Variants in ZNF516 observed in about 807,000 individuals in gnomAD.
ZNF516 encodes the protein zinc finger protein 516.
A neutral mutation model predicts 79.7 loss-of-function variants in ZNF516; 19 were observed. The observed-to-expected ratio is 0.24, with a 90% CI of 0.17 to 0.35. The LOEUF (loss-of-function observed/expected upper bound fraction) is 0.35. ZNF516 is among the 10% of genes least tolerant of loss of function. ZNF516 has a pLI of 1.00. For synonymous variants in ZNF516, 877 were observed against 739.5 expected, an observed-to-expected ratio of 1.19 and a Z score of -3.02; for missense variants, 1,678 against 1,679.5, an observed-to-expected ratio of 1.00 and a Z score of 0.02.
intron 3 of ZNF516, among the ~76,000 whole-genome samples, chr18:76,396,139 T>TC (rs1165346584): frequency 6.6e-6 from 1 of 152,214 alleles, no homozygotes; most frequent in African/African-American, 2.4e-5. Context: ...TCACTGGTTC[T>TC]CCCATCCCCA....
rs751196927 is a variant in ZNF516 at position 76,379,225 on chromosome 18, G to A, written c.2889C>T (p.Ala963=). The part of the protein sequence containing the change: ...FGVPPAGAGF[A]PTNKHSAPDS... Reference sequence around the variant, plus strand: ...CCGGGGCACTGTGCTTATTTGTGGGGGCAAAGCCAGCCCCCGCTGGGGGGA... The same window carrying A: ...CCGGGGCACTGTGCTTATTTGTGGGAGCAAAGCCAGCCCCCGCTGGGGGGA... The change falls in exon 4 of 7, where the codon GCC becomes GCT. Residue 963 remains alanine, a synonymous_variant. Transcript: ENST00000443185. 3.1e-6 allele frequency: 5 copies of A among 1,612,808 alleles called. No individual in the cohort carries two copies. The highest frequency in any genetic ancestry group is 3.4e-6 in the Non-Finnish European group (4 of 1,179,736).
At chr18:76,450,718 G>A (rs1912356511) in intron 2 of ZNF516, among the ~76,000 whole-genome samples, 1 of 152,142 alleles carries the variant, frequency 6.6e-6, no homozygotes, top group Non-Finnish European at 1.5e-5. Flanking sequence ...CGCGGTGCAG[G>A]TTTCCTCTTC....
chr18:76,458,008 T>C (rs981233351), intron 2 of ZNF516, among the ~76,000 whole-genome samples: 2 of 152,228 alleles, frequency 1.3e-5, no homozygotes, highest in Non-Finnish European at 2.9e-5. Flanking sequence ...TGCAATGATA[T>C]CCACCTCGGC....
intron 3 of ZNF516, among the ~76,000 whole-genome samples, chr18:76,385,185 C>G (rs935530073): frequency 1.4e-4 from 22 of 152,218 alleles, no homozygotes; most frequent in African/African-American, 5.3e-4. Context: ...ACCAGGGGCT[C>G]CCGGGTTCCT....
At chr18:76,456,569 T>C (rs868175229) in intron 2 of ZNF516, among the ~76,000 whole-genome samples, 23 of 152,198 alleles carry the variant, frequency 1.5e-4, no homozygotes, top group Non-Finnish European at 2.2e-4. Context: ...TTTGTAACTT[T>C]AGCCTGCCAT....
In ZNF516 at chr18:76,380,274, C is replaced by T. The variant is rs763704876; in HGVS notation, c.1840G>A (p.Glu614Lys). The T allele has an allele frequency of 4.2e-5, 67 of 1,613,510 alleles. No individual in the cohort carries two copies. The highest frequency in any genetic ancestry group is 4.9e-5 in the Non-Finnish European group (58 of 1,179,712). ...GAGAGCTCGGTCGAAGTCACCTCTT[C>T]GGAAAAGCAGCAGCGGCGCGGCTGT... ...GGQPRRCCFS[E>K]EVTSTELSSG... The change falls in exon 4 of 7, where the codon GAA (glutamate) becomes AAA (lysine). Residue 614 changes from glutamate to lysine, a missense_variant. Physicochemically the swap from Glu to Lys is moderately conservative, Grantham distance 56. Transcript: ENST00000443185.
Position 76,379,601 on chromosome 18 carries a change from G to C in ZNF516, c.2513C>G (p.Thr838Ser). ...QPLLLARFTR[T>S]QVPGGMPGSK... ...CCCCGGCATCCCCCCTGGCACCTGA[G>C]TGCGGGTGAACCGAGCAAGGAGCAA... Residue 838 changes from threonine to serine, a missense_variant, in exon 4 of 7, where the codon ACT (threonine) becomes AGT (serine). By Grantham distance (58) the Thr-to-Ser change is moderately conservative. Transcript: ENST00000443185. The C allele has an allele frequency of 6.2e-7, 1 of 1,613,672 alleles. No homozygotes were observed. The highest frequency in any genetic ancestry group is 8.5e-7 in the Non-Finnish European group (1 of 1,179,896).
chr18:76,360,642 A>ATATATATATATATAT lies in ZNF516; in HGVS notation c.*1855_*1856insATATATATATATATA, dbSNP rs1269370085. On this transcript the variant is annotated 3_prime_UTR_variant, in exon 7 of 7. Transcript: ENST00000443185. Reference sequence around the variant, plus strand: ...TCAGAAAAAAATAAGTAAAAAAAAAAAAAAATATATATATATATATATATA... The same window carrying ATATATATATATATAT: ...TCAGAAAAAAATAAGTAAAAAAAAAATATATATATATATATAAAAATATATATATATATATATATA... The ATATATATATATATAT allele has an allele frequency of 3.7e-5, 4 of 107,032 alleles. No homozygotes were observed. Among genetic ancestry groups the ATATATATATATATAT allele is most frequent in the Non-Finnish European group, 8.0e-5 (4 of 50,122 alleles). 6.6% of individuals were successfully genotyped at this position (107,032 alleles called of 1,614,324 possible). A position where few individuals can be genotyped will look rare whatever the true frequency, so the allele number is the denominator to read the frequency against.
intron 1 of ZNF516, among the ~76,000 whole-genome samples, chr18:76,483,390 G>C (rs1914641172): frequency 6.6e-6 from 1 of 152,194 alleles, no homozygotes; most frequent in African/African-American, 2.4e-5. Flanking sequence ...TGAGCTCAGA[G>C]GAAAGCACCT....
At chr18:76,430,256 A>C (rs577928810) in intron 3 of ZNF516, among the ~76,000 whole-genome samples, 3 of 152,286 alleles carry the variant, frequency 2.0e-5, no homozygotes, top group South Asian at 4.1e-4. Context: ...AAAATGAAAA[A>C]ATTTCAATCC....
At chr18:76,454,492 T>C (rs974139346) in intron 2 of ZNF516, among the ~76,000 whole-genome samples, 26 of 152,374 alleles carry the variant, frequency 1.7e-4, no homozygotes, top group East Asian at 9.6e-4. Context: ...AGTTTAAATT[T>C]TCCAGCTCCA....
At chr18:76,469,787 T>C (rs1913718058) in intron 1 of ZNF516, among the ~76,000 whole-genome samples, 1 of 152,198 alleles carries the variant, frequency 6.6e-6, no homozygotes, top group African/African-American at 2.4e-5. Context: ...ATTCATTAAT[T>C]ATAAAAAACC....
At chr18:76,363,795 A>T (rs2074575218) in intron 6 of ZNF516, among the ~76,000 whole-genome samples, 1 of 152,228 alleles carries the variant, frequency 6.6e-6, no homozygotes. Flanking sequence ...CTGGAAGGAA[A>T]ATGGTCTTCG....
intron 3 of ZNF516, among the ~76,000 whole-genome samples, chr18:76,423,279 GGAGA>G (rs751102721): frequency 1.4e-4 from 21 of 152,224 alleles, no homozygotes; most frequent in Non-Finnish European, 2.5e-4. Context: ...GTTCCTGTGT[GGAGA>G]GAAACAACAC....
At chr18:76,424,897 G>A (rs1433680711) in intron 3 of ZNF516, among the ~76,000 whole-genome samples, 1 of 135,390 alleles carries the variant, frequency 7.4e-6, no homozygotes, top group Non-Finnish European at 1.5e-5. Context: ...AGGTGAAAAG[G>A]TTCCCCCATG....
chr18:76,384,519 G>A (rs528803288), intron 3 of ZNF516, among the ~76,000 whole-genome samples: 5 of 77,742 alleles, frequency 6.4e-5, no homozygotes, highest in East Asian at 3.6e-4. Context: ...CAGTTCTCAC[G>A]CCCCCTCCAC....
upstream of ZNF516, chr18:76,495,560 A>C (rs1488399035): frequency 3.6e-6 from 1 of 278,210 alleles, no homozygotes; most frequent in Admixed American, 5.1e-5. Context: ...AGTGACTCAG[A>C]CACAGCCAAT....
chr18:76,464,966 C>T (rs558635411), intron 1 of ZNF516, among the ~76,000 whole-genome samples: 1 of 152,260 alleles, frequency 6.6e-6, no homozygotes, highest in South Asian at 2.1e-4. Context: ...CCCAGGGATA[C>T]AGCCGTGCAT....
At chr18:76,423,925 C>CACACACGCAGGTGAAAAGGCTCCCCCGAA (rs2075550172) in intron 3 of ZNF516, among the ~76,000 whole-genome samples, 6 of 109,670 alleles carry the variant, frequency 5.5e-5, no homozygotes, top group African/African-American at 1.9e-4. Flanking sequence ...CCTCCTGAAA[C>CACACACGCAGGTGAAAAGGCTCCCCCGAA]ACACATGCAG....
Sources: gnomAD v4.1 joint callset for allele counts (sites outside exome capture counted in the v4.1 genomes callset) on GRCh38, gnomAD v4.1.1 for gene constraint, MANE v1.5 for transcripts, NCBI Gene and HGNC (gene_info 2026-07-23, HGNC 2026-07-21) for gene names.